Variants in CAST observed in about 807,000 individuals in gnomAD.
The protein encoded by CAST is calpastatin.
In CAST, 76 loss-of-function variants were observed where a neutral mutation model predicts 119.6. That is an observed-to-expected ratio of 0.64 (90% CI 0.53 to 0.77). The LOEUF is 0.77. CAST is among the 30% of genes least tolerant of loss of function. CAST has a pLI of 0.00. For synonymous variants in CAST, 319 were observed against 331.6 expected (o/e 0.96, Z 0.41); for missense variants, 953 against 946.5 (o/e 1.01, Z -0.09).
At chr5:96,397,981 T>C in the CAST span, among the ~76,000 whole-genome samples, 1 of 152,054 alleles carries the variant, frequency 6.6e-6, no homozygotes, top group Non-Finnish European at 1.5e-5. Flanking sequence ...CTTAAAGATA[T>C]ATTAATTTAA....
chr5:96,367,485 C>T, the CAST span, among the ~76,000 whole-genome samples: 1 of 152,268 alleles, frequency 6.6e-6, no homozygotes, highest in Non-Finnish European at 1.5e-5. Context: ...GTTCGAGCTT[C>T]TGGGCTGCTT....
chr5:96,683,725 G>GATATTAGA (rs1168055556), intron 2 of CAST, among the ~76,000 whole-genome samples: 1 of 152,126 alleles, frequency 6.6e-6, no homozygotes, highest in Non-Finnish European at 1.5e-5. Context: ...TATTTACATA[G>GATATTAGA]ATATTAGAAT....
intron 1 of CAST, among the ~76,000 whole-genome samples, chr5:96,572,545 A>G (rs1746590274): frequency 6.6e-6 from 1 of 152,198 alleles, no homozygotes; most frequent in South Asian, 2.1e-4. Flanking sequence ...TGCAAAAGCT[A>G]TAGGTCAGGC....
At chr5:96,100,910 A>G in the CAST span, among the ~76,000 whole-genome samples, 2 of 151,980 alleles carry the variant, frequency 1.3e-5, no homozygotes, top group African/African-American at 4.8e-5. Flanking sequence ...ATAAATAAAT[A>G]TGTGTGTGTG....
At chr5:96,119,520 A>G in the CAST span, among the ~76,000 whole-genome samples, 1 of 152,184 alleles carries the variant, frequency 6.6e-6, no homozygotes, top group Non-Finnish European at 1.5e-5. Context: ...TCATATCACC[A>G]GCTTGTACCC....
chr5:96,681,085 CAACTGTGGTTTCCCCAT>C (rs1751366418), intron 2 of CAST, among the ~76,000 whole-genome samples: 1 of 152,232 alleles, frequency 6.6e-6, no homozygotes, highest in Non-Finnish European at 1.5e-5. Context: ...AGATTCTTTT[CAACTGTGGTTTCCCCAT>C]TTTTTCATTT....
the CAST span, among the ~76,000 whole-genome samples, chr5:96,197,396 AT>A: frequency 6.6e-6 from 1 of 152,142 alleles, no homozygotes; most frequent in Non-Finnish European, 1.5e-5. Context: ...TGAGGGGTTT[AT>A]TTTTGTTGTA....
chr5:96,716,332 TA>T (rs1320113940), intron 3 of CAST, among the ~76,000 whole-genome samples: 1 of 152,260 alleles, frequency 6.6e-6, no homozygotes, highest in Non-Finnish European at 1.5e-5. Context: ...GTAAATGACC[TA>T]AAGTTTAAAT....
At chr5:96,572,496 CT>C (rs150219149) in intron 1 of CAST, among the ~76,000 whole-genome samples, 5,050 of 151,222 alleles carry the variant, frequency 0.033, 109 homozygotes, top group Middle Eastern at 0.048. Context: ...CCACTGCACC[CT>C]GTCCCAACTT....
At chr5:96,704,728 C>T (rs564600377) in intron 3 of CAST, among the ~76,000 whole-genome samples, 18 of 152,246 alleles carry the variant, frequency 1.2e-4, no homozygotes, top group African/African-American at 4.3e-4. Context: ...TGTGTCTAAC[C>T]TCATAAGAAC....
chr5:96,161,764 C>T, the CAST span, among the ~76,000 whole-genome samples: 5 of 152,040 alleles, frequency 3.3e-5, no homozygotes, highest in Non-Finnish European at 7.4e-5. Context: ...GATATCTTTT[C>T]ACTTATTTAT....
chr5:96,241,210 C>T, the CAST span, among the ~76,000 whole-genome samples: 2 of 114,166 alleles, frequency 1.8e-5, no homozygotes. Context: ...TATCCCTCCC[C>T]CCTCCCCCCA....
chr5:96,128,770 G>C, the CAST span, among the ~76,000 whole-genome samples: 10 of 152,044 alleles, frequency 6.6e-5, no homozygotes, highest in African/African-American at 2.4e-4. Flanking sequence ...CAGAACCCCA[G>C]TTCAGAAGGA....
At position 96,587,129 on chromosome 5, in the gene CAST, T is replaced by C. The variant is rs1746873667; in HGVS notation, c.60+57249T>C. Among the ~76,000 whole-genome samples, 3 of 152,206 alleles carry C rather than the reference T, an allele frequency of 2.0e-5. No individual in the cohort carries two copies. The South Asian group carries it at 6.2e-4, about 31-fold the overall frequency. On this transcript the variant is annotated intron_variant, in intron 1 of 11. Transcript: ENST00000505143. ...TCTGATTATTTAAGCAATAGAATTT[T>C]GTGTTCAGAAAACAGAACCCCTCAT... is the stretch of plus-strand genomic sequence containing the variant.
At chr5:96,156,222 A>C in the CAST span, among the ~76,000 whole-genome samples, 1 of 152,188 alleles carries the variant, frequency 6.6e-6, no homozygotes, top group Non-Finnish European at 1.5e-5. Flanking sequence ...CAGTGACCTG[A>C]TTGGTTTGTT....
At chr5:96,197,069 T>TC in the CAST span, among the ~76,000 whole-genome samples, 1 of 152,210 alleles carries the variant, frequency 6.6e-6, no homozygotes, top group Admixed American at 6.5e-5. Flanking sequence ...GCCTTTATGT[T>TC]CACATGTTCA....
the CAST span, among the ~76,000 whole-genome samples, chr5:96,137,076 G>A: frequency 2.0e-5 from 3 of 152,000 alleles, no homozygotes; most frequent in African/African-American, 7.2e-5. Context: ...CATACCTTAA[G>A]GTTTACCCTT....
intron 1 of CAST, among the ~76,000 whole-genome samples, chr5:96,656,188 G>A (rs745936931): frequency 1.3e-5 from 2 of 152,054 alleles, no homozygotes; most frequent in Admixed American, 6.5e-5. Flanking sequence ...TGAGGACCAC[G>A]GGGAAAAAAA....
chr5:96,566,053 G>A (rs1161317414), intron 1 of CAST, among the ~76,000 whole-genome samples: 7 of 152,146 alleles, frequency 4.6e-5, no homozygotes, highest in Non-Finnish European at 8.8e-5. Context: ...GCAACCAGCT[G>A]AGTCACTAAT....
Sources: gnomAD v4.1 joint callset for allele counts (sites outside exome capture counted in the v4.1 genomes callset) on GRCh38, gnomAD v4.1.1 for gene constraint, MANE v1.5 for transcripts, NCBI Gene and HGNC (gene_info 2026-07-23, HGNC 2026-07-21) for gene names.